Variants in E2F7 observed in about 807,000 individuals in gnomAD.
The protein encoded by E2F7 is E2F transcription factor 7.
Under a neutral mutation model 81.1 loss-of-function variants are expected in E2F7, and 35 were observed. The observed-to-expected ratio is 0.43, with a 90% CI of 0.33 to 0.57. The LOEUF is 0.57. Ranked by LOEUF, E2F7 falls within the 20% of genes least tolerant of loss-of-function variation. The pLI is 0.04. For missense variants in E2F7, 961 were observed against 1,093.7 expected, an observed-to-expected ratio of 0.88 and a Z score of 1.71; for synonymous variants, 416 against 416.2, an observed-to-expected ratio of 1.00 and a Z score of 0.01.
At chr12:77,053,255 T>C (rs1955004734) in intron 3 of E2F7, among the ~76,000 whole-genome samples, 2 of 152,352 alleles carry the variant, frequency 1.3e-5, no homozygotes, top group South Asian at 4.1e-4. Flanking sequence ...GTGGGTTATC[T>C]ATTGATAGTT....
chr12:77,028,700 T>C (rs1213661398), intron 10 of E2F7, among the ~76,000 whole-genome samples: 8 of 151,840 alleles, frequency 5.3e-5, no homozygotes, highest in Non-Finnish European at 1.2e-4. Context: ...GGTCTCGATT[T>C]CCTGACCCGG....
At position 77,026,089 on chromosome 12, in the gene E2F7, A is replaced by G. The variant is rs144532842; in HGVS notation, c.2141-107T>C. 11,298 of 1,294,856 alleles carry G rather than the reference A, an allele frequency of 8.7e-3. 58 individuals are homozygous for G. The highest frequency in any genetic ancestry group is 0.011 in the Non-Finnish European group (10,244 of 967,388). The allele number at this position is 1,294,856 out of a possible 1,614,324, so 80.2% of individuals were successfully genotyped here. Reference sequence around the variant, plus strand: ...TCAAACGGGAGTCCACAATAAATCAATGAATGATGAGACCTTCCCCCAGCT... The same window carrying G: ...TCAAACGGGAGTCCACAATAAATCAGTGAATGATGAGACCTTCCCCCAGCT... On this transcript the variant is annotated intron_variant, in intron 11 of 12. Coordinates refer to ENST00000322886, the MANE Select transcript of E2F7 (RefSeq NM_203394.3).
chr12:77,023,976 A>G lies in E2F7; in HGVS notation c.*39T>C. 6.2e-7 allele frequency: 1 copy of G among 1,604,070 alleles called. No individual in the cohort carries two copies. The highest frequency in any genetic ancestry group is 8.5e-7 in the Non-Finnish European group (1 of 1,175,968). On this transcript the variant is annotated 3_prime_UTR_variant, in exon 13 of 13. Coordinates refer to ENST00000322886, the MANE Select transcript of E2F7 (RefSeq NM_203394.3). ...CCCGCCTCGGACATCCGGGACTCTC[A>G]GGGCGTTTGATCCCACCCCCACCTG...
chr12:77,028,724 T>A (rs1954779901), intron 10 of E2F7, among the ~76,000 whole-genome samples: 1 of 152,140 alleles, frequency 6.6e-6, no homozygotes. Context: ...TCCGCCCGCC[T>A]CGGCCTCCAA....
intron 7 of E2F7, among the ~76,000 whole-genome samples, chr12:77,042,864 T>C (rs1954904655): frequency 6.6e-6 from 1 of 152,208 alleles, no homozygotes; most frequent in South Asian, 2.1e-4. Context: ...ACACTCAGTA[T>C]TTCCTTTCCT....
intron 3 of E2F7, among the ~76,000 whole-genome samples, chr12:77,055,459 A>G (rs1417075537): frequency 6.6e-6 from 1 of 152,100 alleles, no homozygotes. Flanking sequence ...ATAAAGCCCC[A>G]AACTAACCAA....
At chr12:77,034,436 GATTA>G (rs1453289327) in intron 7 of E2F7, among the ~76,000 whole-genome samples, 3 of 152,220 alleles carry the variant, frequency 2.0e-5, no homozygotes, top group African/African-American at 2.4e-5. Context: ...TCACTTTCAA[GATTA>G]ATTGAGATCA....
intron 7 of E2F7, among the ~76,000 whole-genome samples, chr12:77,034,874 A>C (rs1394723530): frequency 6.6e-6 from 1 of 152,250 alleles, no homozygotes; most frequent in Non-Finnish European, 1.5e-5. Context: ...AAAATGAAAA[A>C]CAACAACAAA....
At chr12:77,032,829 T>C (rs1954817254) in intron 9 of E2F7, among the ~76,000 whole-genome samples, 1 of 152,216 alleles carries the variant, frequency 6.6e-6, no homozygotes, top group African/African-American at 2.4e-5. Context: ...TTTTATCTTG[T>C]TCCTATAAGC....
In E2F7 at chr12:77,040,184, T is replaced by G. The variant is rs560827602; in HGVS notation, c.1123+2881A>C. On this transcript the variant is annotated intron_variant, in intron 7 of 12. Coordinates refer to ENST00000322886, the MANE Select transcript of E2F7 (RefSeq NM_203394.3). ...TGTTTCTTTTTAAAGAAACCTTGTT[T>G]AATATTTGTTGTTGATTTATTAACA... 1.5e-3 allele frequency among the ~76,000 whole-genome samples: 233 copies of G among 152,334 alleles called. 1 individual carries two copies. The highest frequency in any genetic ancestry group is 5.8e-3 in the South Asian group (28 of 4,826).
Position 77,028,089 on chromosome 12 carries a change from C to CTGT in E2F7, c.1931_1933dup (p.Asn644dup). Reference sequence around the variant, plus strand: ...AATGTCTTTGAGGGGTATAGATGCCCTGTTACCCATAGTCTTGGGAGAGGC... The same window carrying CTGT: ...AATGTCTTTGAGGGGTATAGATGCCCTGTTGTTACCCATAGTCTTGGGAGAGGC... On this transcript the variant is annotated inframe_insertion, in exon 11 of 13. Coordinates refer to ENST00000322886, the MANE Select transcript of E2F7 (RefSeq NM_203394.3). 6.2e-7 allele frequency: 1 copy of CTGT among 1,614,142 alleles called. No individual in the cohort carries two copies. The highest frequency in any genetic ancestry group is 8.5e-7 in the Non-Finnish European group (1 of 1,180,028).
chr12:77,033,795 C>T (rs1954825074), intron 8 of E2F7, 62 bp downstream of exon 8: 2 of 1,458,708 alleles, frequency 1.4e-6, no homozygotes, highest in East Asian at 2.5e-5. Flanking sequence ...GGGTGCTGCA[C>T]TGGCATGGGC....
chr12:77,047,663 G>A (rs776138948), intron 4 of E2F7, among the ~76,000 whole-genome samples: 1 of 152,182 alleles, frequency 6.6e-6, no homozygotes, highest in Non-Finnish European at 1.5e-5. Flanking sequence ...AAATTACAAT[G>A]AGAACTCCAG....
intron 2 of E2F7, among the ~76,000 whole-genome samples, chr12:77,057,207 A>G (rs1446516543): frequency 6.6e-6 from 1 of 151,410 alleles, no homozygotes; most frequent in African/African-American, 2.4e-5. Context: ...TGGTGTGCAT[A>G]CTACAGTGGT....
chr12:77,042,559 C>T (rs909422184), intron 7 of E2F7, among the ~76,000 whole-genome samples: 8 of 152,056 alleles, frequency 5.3e-5, no homozygotes, highest in African/African-American at 1.9e-4. Context: ...ATATTTATAA[C>T]CTTTTAAATA....
At chr12:77,036,095 G>C (rs1245826792) in intron 7 of E2F7, among the ~76,000 whole-genome samples, 2 of 140,362 alleles carry the variant, frequency 1.4e-5, no homozygotes, top group Non-Finnish European at 3.1e-5. Context: ...AAAATAGGAG[G>C]GGACAGGAAA....
intron 7 of E2F7, 134 bp downstream of exon 7, chr12:77,042,931 G>A: frequency 7.3e-7 from 1 of 1,375,120 alleles, no homozygotes; most frequent in South Asian, 1.4e-5. Flanking sequence ...ACTGTTCCAA[G>A]AGTGGAGTCA....
At chr12:77,033,725 T>C (rs865954982) in intron 8 of E2F7, 132 bp downstream of exon 8, 1 of 844,140 alleles carries the variant, frequency 1.2e-6, no homozygotes. Flanking sequence ...AAGTAAAAAG[T>C]AGACCACTGG....
At chr12:77,051,029 C>T (rs933210595) in intron 3 of E2F7, among the ~76,000 whole-genome samples, 4 of 151,990 alleles carry the variant, frequency 2.6e-5, no homozygotes, top group Non-Finnish European at 5.9e-5. Flanking sequence ...GCTACTAGTG[C>T]GCTCGCTAGG....
Sources: allele counts gnomAD v4.1 joint callset (sites outside exome capture counted in the v4.1 genomes callset), GRCh38; gene constraint gnomAD v4.1.1; transcripts MANE v1.5; gene names NCBI Gene and HGNC (gene_info 2026-07-23, HGNC 2026-07-21).